The following SLIT3 variants were observed in gnomAD, a reference collection of about 807,000 sequenced individuals.
SLIT3 encodes the protein slit homolog 3 protein.
Under a neutral mutation model 184.0 loss-of-function variants are expected in SLIT3, and 68 were observed. That is an observed-to-expected ratio of 0.37 (90% CI 0.30 to 0.45). The LOEUF (loss-of-function observed/expected upper bound fraction) is 0.45, where lower values mean the gene tolerates loss of function less well. Among genes scored for constraint, SLIT3 ranks in the 20% least tolerant of loss-of-function variants. SLIT3 has a pLI of 1.00. For synonymous variants in SLIT3, 831 were observed against 828.6 expected (o/e 1.00, Z -0.05); for missense variants, 1,707 against 2,026.0 (o/e 0.84, Z 3.02).
At chr5:169,086,163 G>T (rs535321030) in intron 4 of SLIT3, among the ~76,000 whole-genome samples, 1 of 152,226 alleles carries the variant, frequency 6.6e-6, no homozygotes, top group Admixed American at 6.5e-5. Flanking sequence ...ACCTCTTTTT[G>T]TTTTTTAAGA....
chr5:169,231,940 A>T (rs1456530845), intron 3 of SLIT3, among the ~76,000 whole-genome samples: 1 of 152,170 alleles, frequency 6.6e-6, no homozygotes, highest in African/African-American at 2.4e-5. Flanking sequence ...TCATACGATC[A>T]TTGGCCACTT....
At chr5:168,993,341 C>T (rs1052362480) in intron 4 of SLIT3, among the ~76,000 whole-genome samples, 4 of 152,228 alleles carry the variant, frequency 2.6e-5, no homozygotes, top group Non-Finnish European at 5.9e-5. Context: ...TCAGGCTTCA[C>T]TTGTCCAGGC....
At chr5:169,074,778 C>T (rs375861572) in intron 4 of SLIT3, among the ~76,000 whole-genome samples, 202 of 152,256 alleles carry the variant, frequency 1.3e-3, no homozygotes, top group African/African-American at 4.3e-3. Flanking sequence ...AAACTGTGGC[C>T]GTGGCCTTGT....
chr5:169,271,840 T>C (rs1766631797), intron 1 of SLIT3, among the ~76,000 whole-genome samples: 1 of 152,212 alleles, frequency 6.6e-6, no homozygotes, highest in Non-Finnish European at 1.5e-5. Flanking sequence ...TACAGAGGCC[T>C]TGCCGTAGAC....
At chr5:168,775,746 C>T (rs1022737766) in intron 12 of SLIT3, among the ~76,000 whole-genome samples, 1 of 152,148 alleles carries the variant, frequency 6.6e-6, no homozygotes, top group Non-Finnish European at 1.5e-5. Flanking sequence ...ATCCCTCACC[C>T]CTTCCAGGGT....
intron 4 of SLIT3, among the ~76,000 whole-genome samples, chr5:169,134,669 C>T (rs1209133448): frequency 6.6e-6 from 1 of 152,134 alleles, no homozygotes; most frequent in African/African-American, 2.4e-5. Context: ...TTGATGGGTG[C>T]AGCAAACCAA....
At chr5:169,169,350 G>A (rs1762746734) in intron 4 of SLIT3, among the ~76,000 whole-genome samples, 1 of 152,176 alleles carries the variant, frequency 6.6e-6, no homozygotes, top group Non-Finnish European at 1.5e-5. Flanking sequence ...GCCTCAACTA[G>A]AAGCTCTCAA....
At chr5:168,898,147 C>A (rs1760749314) in intron 4 of SLIT3, among the ~76,000 whole-genome samples, 1 of 150,740 alleles carries the variant, frequency 6.6e-6, no homozygotes, top group African/African-American at 2.4e-5. Context: ...TCGATTCCTG[C>A]CCATCCTCTA....
At chr5:168,855,137 G>A (rs1206138934) in intron 5 of SLIT3, among the ~76,000 whole-genome samples, 3 of 152,156 alleles carry the variant, frequency 2.0e-5, no homozygotes, top group African/African-American at 4.8e-5. Flanking sequence ...CACAGGAGGT[G>A]CTCAGTAAAA....
chr5:169,223,980 CT>C (rs1168300727), intron 3 of SLIT3, among the ~76,000 whole-genome samples: 3 of 152,172 alleles, frequency 2.0e-5, no homozygotes, highest in African/African-American at 7.2e-5. Flanking sequence ...AAGAAACAGG[CT>C]TTTGACATTG....
intron 20 of SLIT3, among the ~76,000 whole-genome samples, chr5:168,736,696 A>T (rs959181378): frequency 6.6e-6 from 1 of 151,614 alleles, no homozygotes. Flanking sequence ...TCCCTGCTGC[A>T]ATGCAGAGTG....
intron 16 of SLIT3, among the ~76,000 whole-genome samples, chr5:168,758,260 T>C (rs1383422830): frequency 6.6e-6 from 1 of 152,208 alleles, no homozygotes; most frequent in Non-Finnish European, 1.5e-5. Flanking sequence ...AGAAATATTC[T>C]CTACACTCAT....
intron 9 of SLIT3, among the ~76,000 whole-genome samples, chr5:168,797,295 G>T (rs1462398151): frequency 2.6e-5 from 4 of 152,192 alleles, no homozygotes; most frequent in Admixed American, 2.6e-4. Context: ...CAGCTCCATG[G>T]ATCTCTGGGG....
intron 4 of SLIT3, among the ~76,000 whole-genome samples, chr5:169,046,562 C>G (rs545371188): frequency 9.8e-5 from 15 of 152,308 alleles, no homozygotes; most frequent in African/African-American, 3.4e-4. Context: ...GTAAACTGCA[C>G]ATTTAGGAAG....
intron 4 of SLIT3, among the ~76,000 whole-genome samples, chr5:169,011,289 C>T (rs946578367): frequency 3.3e-5 from 5 of 152,154 alleles, no homozygotes; most frequent in African/African-American, 1.2e-4. Flanking sequence ...TTACCACTCT[C>T]CAGTGTGTAA....
intron 4 of SLIT3, among the ~76,000 whole-genome samples, chr5:169,084,033 T>C (rs1307238179): frequency 6.6e-6 from 1 of 152,226 alleles, no homozygotes; most frequent in African/African-American, 2.4e-5. Context: ...TTAGCATTTG[T>C]TCTTTTCCAA....
intron 4 of SLIT3, among the ~76,000 whole-genome samples, chr5:168,888,002 G>A (rs1488387879): frequency 1.3e-5 from 2 of 152,148 alleles, no homozygotes; most frequent in Non-Finnish European, 2.9e-5. Context: ...AGCCATGTTT[G>A]ATTCTAGATT....
At position 169,246,468 on chromosome 5, in the gene SLIT3, C is replaced by T. The variant is rs116908893; in HGVS notation, c.270-1692G>A. 9.3e-4 allele frequency among the ~76,000 whole-genome samples: 141 copies of T among 152,310 alleles called. 2 individuals carry two copies. The East Asian group carries it at 0.026, about 28-fold the overall frequency. Reference sequence around the variant, plus strand: ...AAGCCCTGTTTTGCTTGCACATTAGCTGATGATATAAGAGTGGGTTAACTA... The same window carrying T: ...AAGCCCTGTTTTGCTTGCACATTAGTTGATGATATAAGAGTGGGTTAACTA... On this transcript the variant is annotated intron_variant, in intron 2 of 35. Transcript: ENST00000519560.
chr5:168,858,417 G>A (rs1046291013), intron 5 of SLIT3, among the ~76,000 whole-genome samples: 3 of 152,218 alleles, frequency 2.0e-5, no homozygotes, highest in Non-Finnish European at 2.9e-5. Context: ...TTATATCCCC[G>A]TTAAAGGCTA....
Sources: allele counts gnomAD v4.1 joint callset (sites outside exome capture counted in the v4.1 genomes callset), GRCh38; gene constraint gnomAD v4.1.1; transcripts MANE v1.5; gene names NCBI Gene and HGNC (gene_info 2026-07-23, HGNC 2026-07-21).